The following CHCHD3 variants were observed in gnomAD, a reference collection of about 807,000 sequenced individuals.
The protein encoded by CHCHD3 is coiled-coil-helix-coiled-coil-helix domain containing 3, also known as MICOS complex subunit MIC19.
CHCHD3 carries 20 observed loss-of-function variants against 38.2 expected under a neutral mutation model. The ratio of observed to expected loss-of-function variants is 0.52; its 90% CI spans 0.37 to 0.76. The LOEUF is 0.76. Ranked by LOEUF, CHCHD3 falls within the 30% of genes least tolerant of loss-of-function variation. The pLI is 0.00. For synonymous variants in CHCHD3, 82 were observed against 100.0 expected, an observed-to-expected ratio of 0.82 and a Z score of 1.07; for missense variants, 245 against 279.2, an observed-to-expected ratio of 0.88 and a Z score of 0.87.
intron 4 of CHCHD3, among the ~76,000 whole-genome samples, chr7:132,927,668 CTTTAA>C (rs1411878643): frequency 6.6e-6 from 1 of 152,178 alleles, no homozygotes; most frequent in African/African-American, 2.4e-5. Context: ...AATTGACAAT[CTTTAA>C]TTTAAGCCTA....
chr7:132,885,747 TA>T lies in CHCHD3; in HGVS notation c.370-3del, dbSNP rs1237762966. On this transcript the variant is annotated splice_region_variant and splice_polypyrimidine_tract_variant and intron_variant, in intron 4 of 7. Transcript: ENST00000262570. ...GTCTTTCTCTTCCAGCTGCCTAGCCTAAAAAAAGAAATGAGGAATATACTAT... is the reference window on the plus strand; with the variant it reads ...GTCTTTCTCTTCCAGCTGCCTAGCCTAAAAAAGAAATGAGGAATATACTAT... 6.2e-6 allele frequency: 10 copies of T among 1,604,432 alleles called. No individual in the cohort carries two copies. In the Admixed American group the frequency reaches 8.5e-5, roughly 14 times the overall value.
chr7:132,977,834 T>C (rs1173259949), intron 3 of CHCHD3, among the ~76,000 whole-genome samples: 1 of 152,100 alleles, frequency 6.6e-6, no homozygotes, highest in African/African-American at 2.4e-5. Context: ...ACATATGGAG[T>C]TCTACATGGT....
At chr7:132,965,097 G>A (rs1010169310) in intron 4 of CHCHD3, among the ~76,000 whole-genome samples, 12 of 146,018 alleles carry the variant, frequency 8.2e-5, no homozygotes, top group Non-Finnish European at 1.2e-4. Context: ...TTTACTTCCT[G>A]TGAGTGTGCA....
intron 3 of CHCHD3, among the ~76,000 whole-genome samples, chr7:132,976,736 T>C (rs1440187389): frequency 6.6e-6 from 1 of 152,202 alleles, no homozygotes; most frequent in African/African-American, 2.4e-5. Flanking sequence ...GCTTATCAAA[T>C]TTTAGTTTTA....
chr7:133,081,850 C>A lies in CHCHD3; in HGVS notation c.81+7G>T. 1 of 1,552,768 alleles carries A rather than the reference C, an allele frequency of 6.4e-7. No individual in the cohort carries two copies. Among genetic ancestry groups the A allele is most frequent in the Non-Finnish European group, 8.7e-7 (1 of 1,147,464 alleles). ...CACTGGCCCTCCGCCCGTCCACGGG[C>A]ACTCACCCGGATGCCCTTCACCACG... On this transcript the variant is annotated splice_region_variant and intron_variant, in intron 1 of 7. Transcript: ENST00000262570.
chr7:133,073,676 C>T (rs1814894734), intron 1 of CHCHD3, among the ~76,000 whole-genome samples: 2 of 152,282 alleles, frequency 1.3e-5, no homozygotes, highest in Middle Eastern at 3.4e-3. Context: ...GAATTCCTCT[C>T]TTCTCTCATC....
At chr7:133,052,353 G>A (rs781366286) in intron 2 of CHCHD3, among the ~76,000 whole-genome samples, 40 of 152,102 alleles carry the variant, frequency 2.6e-4, no homozygotes, top group Non-Finnish European at 1.6e-4. Context: ...GAATGCAATC[G>A]TTGATAGCTT....
At chr7:132,834,993 C>A (rs1021182739) in intron 6 of CHCHD3, among the ~76,000 whole-genome samples, 3 of 146,796 alleles carry the variant, frequency 2.0e-5, no homozygotes, top group Non-Finnish European at 4.5e-5. Context: ...TATTTAGAGA[C>A]AGGGTCTTGA....
At chr7:132,973,055 T>C in intron 4 of CHCHD3, 1 of 985,380 alleles carries the variant, frequency 1.0e-6, no homozygotes, top group Non-Finnish European at 1.2e-6. Flanking sequence ...TGAAATCTCT[T>C]TTTATGTCTT....
At chr7:132,973,049 ATCTCTTTTTATGTCT>A (rs1811650938) in intron 4 of CHCHD3, 1 of 985,152 alleles carries the variant, frequency 1.0e-6, no homozygotes, top group Non-Finnish European at 1.2e-6. Flanking sequence ...TTTTTGTGAA[ATCTCTTTTTATGTCT>A]TGCTGAGTGT....
At chr7:132,824,555 C>G (rs1468926881) in intron 6 of CHCHD3, among the ~76,000 whole-genome samples, 1 of 152,124 alleles carries the variant, frequency 6.6e-6, no homozygotes. Context: ...ACCTTGTGAT[C>G]TGCCTGCCTC....
intron 2 of CHCHD3, among the ~76,000 whole-genome samples, chr7:133,059,357 C>G (rs937068498): frequency 6.6e-6 from 1 of 152,116 alleles, no homozygotes; most frequent in African/African-American, 2.4e-5. Context: ...CCTAAAACTC[C>G]TAGCCTAAAA....
chr7:133,065,197 C>T (rs544872250), intron 2 of CHCHD3, among the ~76,000 whole-genome samples: 1 of 152,208 alleles, frequency 6.6e-6, no homozygotes, highest in African/African-American at 2.4e-5. Flanking sequence ...ATTGAGAGCA[C>T]ATTCATTTAT....
chr7:132,828,344 A>T (rs776688382), intron 6 of CHCHD3, among the ~76,000 whole-genome samples: 3 of 152,130 alleles, frequency 2.0e-5, no homozygotes, highest in Non-Finnish European at 2.9e-5. Flanking sequence ...CCTGGTATCT[A>T]ATGATGTAGA....
At chr7:132,845,134 G>T (rs976159769) in intron 5 of CHCHD3, 1 of 152,174 alleles carries the variant, frequency 6.6e-6, no homozygotes, top group African/African-American at 2.4e-5. Context: ...CCCTACCCTT[G>T]TGAAACTGAG....
intron 5 of CHCHD3, among the ~76,000 whole-genome samples, chr7:132,868,941 A>G (rs1808697772): frequency 6.6e-6 from 1 of 151,946 alleles, no homozygotes; most frequent in African/African-American, 2.4e-5. Flanking sequence ...CTTGTTGTCC[A>G]TTTCATCTTA....
chr7:132,983,360 A>C (rs1811969240), intron 3 of CHCHD3, among the ~76,000 whole-genome samples: 1 of 152,180 alleles, frequency 6.6e-6, no homozygotes, highest in African/African-American at 2.4e-5. Context: ...GTATGCACAC[A>C]AACAGACTGT....
At chr7:132,858,616 C>A (rs1017103108) in intron 5 of CHCHD3, among the ~76,000 whole-genome samples, 1 of 152,058 alleles carries the variant, frequency 6.6e-6, no homozygotes, top group African/African-American at 2.4e-5. Flanking sequence ...ACTGGTTATA[C>A]AAAGAAAAAT....
At position 133,035,855 on chromosome 7, in the gene CHCHD3, A is replaced by C; in HGVS notation, c.170-11228T>G. 1 of 1,613,152 alleles carries C rather than the reference A, an allele frequency of 6.2e-7. No individual in the cohort carries two copies. The highest frequency in any genetic ancestry group is 8.5e-7 in the Non-Finnish European group (1 of 1,179,154). The stretch of plus-strand genomic sequence containing the variant: ...CGCGGATCTGAGCCCCGCTGTACTG[A>C]GCAGCGATGAGAGCCTTGAAGGCCC... On this transcript the variant is annotated intron_variant, in intron 2 of 7. Transcript: ENST00000262570. This position sits in a 1 kb window ranked among gnomAD's most constrained non-coding sequence, Gnocchi z 4.7.
Sources: gnomAD v4.1 joint callset for allele counts (sites outside exome capture counted in the v4.1 genomes callset) on GRCh38, gnomAD v4.1.1 for gene constraint, Gnocchi (gnomAD v3.1) non-coding constraint, MANE v1.5 for transcripts, NCBI Gene and HGNC (gene_info 2026-07-23, HGNC 2026-07-21) for gene names.